LANCL2: variants seen among roughly 807,000 people sequenced by gnomAD.
LANCL2 encodes lanC-like protein 2.
In LANCL2, 33 loss-of-function variants were observed where a neutral mutation model predicts 56.9. The ratio of observed to expected loss-of-function variants is 0.58; its 90% CI spans 0.44 to 0.78. LANCL2 has a LOEUF of 0.78. Ranked by LOEUF, LANCL2 falls within the 30% of genes least tolerant of loss-of-function variation. The pLI is 0.00. For synonymous variants in LANCL2, 233 were observed against 228.2 expected (o/e 1.02, Z -0.19); for missense variants, 562 against 580.2 (o/e 0.97, Z 0.32).
chr7:55,399,840 T>A, intron 3 of LANCL2, 117 bp from the exon 4 acceptor site: 4 of 786,268 alleles, frequency 5.1e-6, no homozygotes. Context: ...TTTTTAAAAA[T>A]AATTGTTTTA....
At chr7:55,428,595 T>C (rs1260058463) in intron 8 of LANCL2, 148 bp downstream of exon 8, 1 of 668,028 alleles carries the variant, frequency 1.5e-6, no homozygotes, top group East Asian at 2.7e-5. Flanking sequence ...TGCTGAAAAT[T>C]ATGTTGAATC....
At chr7:55,390,908 T>G (rs1457161200) in intron 1 of LANCL2, among the ~76,000 whole-genome samples, 2 of 152,104 alleles carry the variant, frequency 1.3e-5, no homozygotes, top group African/African-American at 2.4e-5. Context: ...TTGTTTGCTC[T>G]TAGTCTTGGG....
chr7:55,378,538 G>A (rs1269020268), intron 1 of LANCL2, among the ~76,000 whole-genome samples: 3 of 38,962 alleles, frequency 7.7e-5, no homozygotes, highest in Non-Finnish European at 1.4e-4. Flanking sequence ...GTATACGTGT[G>A]TGTGTGTGTG....
chr7:55,401,135 A>G (rs1790317829), intron 4 of LANCL2, 39 bp from the exon 5 acceptor site: 1 of 1,582,178 alleles, frequency 6.3e-7, no homozygotes, highest in African/African-American at 1.4e-5. Context: ...CAGGGTACAT[A>G]TACAGTTTTA....
At chr7:55,424,805 A>G (rs1562870614) in intron 6 of LANCL2, among the ~76,000 whole-genome samples, 1 of 152,212 alleles carries the variant, frequency 6.6e-6, no homozygotes, top group African/African-American at 2.4e-5. Flanking sequence ...GCTCCCCATC[A>G]CTTGCATTAC....
In LANCL2 at chr7:55,400,038, G is replaced by C. The variant is rs1258130294; in HGVS notation, c.612G>C (p.Leu204=). 6.2e-7 allele frequency: 1 copy of C among 1,613,682 alleles called. No individual in the cohort carries two copies. Among genetic ancestry groups the C allele is most frequent in the African/African-American group, 1.3e-5 (1 of 74,900 alleles). ...DELLYGRAGY[L]YALLYLNTEI... is the part of the protein sequence containing the mutation. ...TGCTTTATGGACGGGCAGGTTATCTGTATGCCTTACTGTACCTGAACACAG... is the reference window on the plus strand; with the variant it reads ...TGCTTTATGGACGGGCAGGTTATCTCTATGCCTTACTGTACCTGAACACAG... The change falls in exon 4 of 9, where the codon CTG becomes CTC. Residue 204 remains leucine, a synonymous_variant. Coordinates refer to ENST00000254770, the MANE Select transcript of LANCL2 (RefSeq NM_018697.4).
chr7:55,416,537 T>C (rs1432952937), intron 6 of LANCL2, among the ~76,000 whole-genome samples: 2 of 152,212 alleles, frequency 1.3e-5, no homozygotes, highest in Non-Finnish European at 2.9e-5. Context: ...TGTCTTGGTC[T>C]CCCAAAGTGC....
intron 1 of LANCL2, among the ~76,000 whole-genome samples, chr7:55,381,043 G>A (rs1183728021): frequency 1.3e-5 from 2 of 152,012 alleles, no homozygotes; most frequent in Non-Finnish European, 2.9e-5. Context: ...GGCTAATTTT[G>A]TGTTTTTAGT....
Position 55,402,447 on chromosome 7 carries a change from C to T in LANCL2, c.825+1127C>T, listed in dbSNP as rs1418473585. Among the ~76,000 whole-genome samples the T allele has an allele frequency of 6.4e-5, 9 of 139,778 alleles. No homozygotes were observed. In the South Asian group the frequency reaches 1.4e-3, roughly 21 times the overall value. 91.7% of individuals were successfully genotyped at this position (139,778 alleles called of 152,430 possible). A position where few individuals can be genotyped will look rare whatever the true frequency, so the allele number is the denominator to read the frequency against. On this transcript the variant is annotated intron_variant, in intron 5 of 8. Transcript: ENST00000254770. ...GGGGCTGACCCCACCACCTCCCTCC[C>T]GGACGGGGCGGCTGGCCGGGCAGAG... is the stretch of plus-strand genomic sequence containing the variant.
rs1214723878 is a variant in LANCL2, at chr7:55,428,367, C to T, written c.1186-8C>T. On this transcript the variant is annotated splice_polypyrimidine_tract_variant and splice_region_variant and intron_variant, in intron 7 of 8. Coordinates refer to ENST00000254770, the MANE Select transcript of LANCL2 (RefSeq NM_018697.4). ...TCCAGTCTTAAAAAGAAATCCCTTT[C>T]TTTTCAGTTTGCAGAGTGGTGTCTA... The T allele has an allele frequency of 1.9e-6, 3 of 1,613,256 alleles. No individual in the cohort carries two copies. In the Admixed American group the frequency reaches 5.0e-5, roughly 27 times the overall value.
chr7:55,407,717 C>T (rs1043979391), intron 5 of LANCL2, among the ~76,000 whole-genome samples: 4 of 152,252 alleles, frequency 2.6e-5, no homozygotes, highest in Non-Finnish European at 5.9e-5. Flanking sequence ...ACTCCAGCTG[C>T]AGCTCCTTCC....
At chr7:55,420,588 A>G (rs1420420584) in intron 6 of LANCL2, among the ~76,000 whole-genome samples, 2 of 152,254 alleles carry the variant, frequency 1.3e-5, no homozygotes, top group African/African-American at 2.4e-5. Flanking sequence ...ATCTTCAATT[A>G]CAGAGGTCAG....
At chr7:55,404,765 C>T (rs569605689) in intron 5 of LANCL2, among the ~76,000 whole-genome samples, 11 of 152,156 alleles carry the variant, frequency 7.2e-5, no homozygotes, top group South Asian at 2.1e-4. Flanking sequence ...AGGCATGCAC[C>T]GCCACACCTG....
At chr7:55,370,839 G>A (rs1290181251) in intron 1 of LANCL2, among the ~76,000 whole-genome samples, 1 of 152,188 alleles carries the variant, frequency 6.6e-6, no homozygotes, top group African/African-American at 2.4e-5. Flanking sequence ...TGAGGCCGAA[G>A]ACAGTGATTG....
intron 6 of LANCL2, 47 bp from the exon 7 acceptor site, chr7:55,425,207 T>C: frequency 1.3e-6 from 2 of 1,580,336 alleles, no homozygotes; most frequent in African/African-American, 1.3e-5. Context: ...TGCCAACTCA[T>C]CGTTGAAACT....
At chr7:55,429,201 C>T (rs1218793459) in intron 8 of LANCL2, among the ~76,000 whole-genome samples, 1 of 152,156 alleles carries the variant, frequency 6.6e-6, no homozygotes, top group Non-Finnish European at 1.5e-5. Flanking sequence ...GAAGTATCTT[C>T]TTCTCTTCTG....
chr7:55,402,691 G>A (rs1245195461), intron 5 of LANCL2, among the ~76,000 whole-genome samples: 7 of 116,930 alleles, frequency 6.0e-5, no homozygotes, highest in South Asian at 5.2e-4. Flanking sequence ...GGCTGGCCGG[G>A]CGGGGGGCTG....
At chr7:55,388,823 C>G (rs1246626969) in intron 1 of LANCL2, among the ~76,000 whole-genome samples, 3 of 152,162 alleles carry the variant, frequency 2.0e-5, no homozygotes, top group Non-Finnish European at 4.4e-5. Context: ...CTTTGGTCCT[C>G]AGGCCTCATT....
chr7:55,400,563 C>T (rs999778621), intron 4 of LANCL2, among the ~76,000 whole-genome samples: 10 of 152,124 alleles, frequency 6.6e-5, no homozygotes, highest in African/African-American at 2.4e-4. Context: ...TCCAAGTTGC[C>T]CTCTTTACTT....
Sources: allele counts gnomAD v4.1 joint callset (sites outside exome capture counted in the v4.1 genomes callset), GRCh38; gene constraint gnomAD v4.1.1; transcripts MANE v1.5; gene names NCBI Gene and HGNC (gene_info 2026-07-23, HGNC 2026-07-21).